The following HIF1A variants were observed in gnomAD, a reference collection of about 807,000 sequenced individuals.
The protein encoded by HIF1A is hypoxia-inducible factor 1-alpha.
In HIF1A, 24 loss-of-function variants were observed where a neutral mutation model predicts 92.7. That is an observed-to-expected ratio of 0.26 (90% CI 0.19 to 0.36). The LOEUF is 0.36. HIF1A is among the 10% of genes least tolerant of loss of function. The probability of loss-of-function intolerance (pLI) is 1.00; values close to 1 mark genes in which losing one functional copy is unlikely to be tolerated. For missense variants in HIF1A, 799 were observed against 998.5 expected (o/e 0.80, Z 2.69); for synonymous variants, 319 against 338.7 (o/e 0.94, Z 0.64).
Position 61,741,108 on chromosome 14 carries a change from A to C in HIF1A, c.2013A>C (p.Arg671Ser). 6.2e-7 allele frequency: 1 copy of C among 1,614,112 alleles called. No homozygotes were observed. The highest frequency in any genetic ancestry group is 8.5e-7 in the Non-Finnish European group (1 of 1,179,958). Residue 671 changes from arginine (R) to serine (S), a missense_variant, in exon 12 of 15, where the codon AGA becomes AGC. This residue lies in a region of HIF1A where 283 missense variants were observed against 277.5 expected (regional missense o/e 1.02). Coordinates refer to ENST00000337138, the MANE Select transcript of HIF1A (RefSeq NM_001530.4). ...AAAGTCGGACAGCCTCACCAAACAG[A>C]GCAGGAAAAGGAGTCATAGAACAGA... ...DTQSRTASPN[R>S]AGKGVIEQTE... is the part of the protein sequence containing the mutation.
chr14:61,723,020 T>C (rs1387314157), intron 4 of HIF1A, among the ~76,000 whole-genome samples: 1 of 152,250 alleles, frequency 6.6e-6, no homozygotes, highest in Non-Finnish European at 1.5e-5. Context: ...TTAAGCAGTG[T>C]ATACTGATCA....
chr14:61,707,520 T>C (rs1322316756), intron 1 of HIF1A, among the ~76,000 whole-genome samples: 1 of 151,702 alleles, frequency 6.6e-6, no homozygotes, highest in Non-Finnish European at 1.5e-5. Context: ...TGTGTTCTCA[T>C]TGTTCAGTTC....
chr14:61,741,174 C>G lies in HIF1A; in HGVS notation c.2079C>G (p.Val693=). The G allele has an allele frequency of 6.3e-7, 1 of 1,595,300 alleles. No homozygotes were observed. Among genetic ancestry groups the G allele is most frequent in the Non-Finnish European group, 8.5e-7 (1 of 1,172,618 alleles). ...SHPRSPNVLS[V]ALSQRTTVPE... ...CAAGAAGCCCTAACGTGTTATCTGT[C>G]GCTTTGAGTCAAAGGTATTTATATG... The change falls in exon 12 of 15, where the codon GTC becomes GTG. Residue 693 remains valine (V), a synonymous_variant. Coordinates refer to ENST00000337138, the MANE Select transcript of HIF1A (RefSeq NM_001530.4).
At chr14:61,732,136 T>C (rs759612172) in intron 6 of HIF1A, among the ~76,000 whole-genome samples, 20 of 151,900 alleles carry the variant, frequency 1.3e-4, no homozygotes, top group Non-Finnish European at 2.5e-4. Flanking sequence ...GGGAAACTCT[T>C]GTCTCAAAAA....
At chr14:61,696,624 G>C (rs767871225) in intron 1 of HIF1A, among the ~76,000 whole-genome samples, 1 of 152,092 alleles carries the variant, frequency 6.6e-6, no homozygotes, top group Non-Finnish European at 1.5e-5. Context: ...CACCTGTCAC[G>C]AGAACGCAGA....
intron 4 of HIF1A, among the ~76,000 whole-genome samples, chr14:61,722,435 G>GGT (rs1321223826): frequency 6.6e-6 from 1 of 151,930 alleles, no homozygotes; most frequent in Non-Finnish European, 1.5e-5. Flanking sequence ...GGTTCTTGCT[G>GGT]TATTGCCCAG....
At chr14:61,721,700 TTTATGATC>T in intron 3 of HIF1A, 31 bp from the exon 4 acceptor site, 1 of 1,610,652 alleles carries the variant, frequency 6.2e-7, no homozygotes, top group Non-Finnish European at 8.5e-7. Context: ...TTTTTATGAT[TTTATGATC>T]TAGCCCTAAT....
chr14:61,711,071 A>C (rs1290776002), intron 1 of HIF1A, among the ~76,000 whole-genome samples: 2 of 150,012 alleles, frequency 1.3e-5, no homozygotes, highest in Non-Finnish European at 3.0e-5. Context: ...AAAAAAGGCA[A>C]TAGGATTAGG....
chr14:61,730,273 C>G (rs2044560051), intron 6 of HIF1A, among the ~76,000 whole-genome samples: 1 of 152,156 alleles, frequency 6.6e-6, no homozygotes, highest in African/African-American at 2.4e-5. Context: ...ATTAACCTCA[C>G]TTTTCTTGCT....
intron 1 of HIF1A, among the ~76,000 whole-genome samples, chr14:61,718,428 G>A (rs569854835): frequency 3.3e-5 from 5 of 152,272 alleles, no homozygotes; most frequent in African/African-American, 1.2e-4. Flanking sequence ...GGGTTGGGGA[G>A]GAAGTGAGAG....
At position 61,695,547 on chromosome 14, in the gene HIF1A, G is replaced by A. The variant is rs2044102502; in HGVS notation, c.-258G>A. On this transcript the variant is annotated 5_prime_UTR_variant, in exon 1 of 15. Transcript: ENST00000337138. ...TGCTGCCTCGTCTGAGGGGACAGGA[G>A]GATCACCCTCTTCGTCGCTTCGGCC... 2 of 575,594 alleles carry A rather than the reference G, an allele frequency of 3.5e-6. No individual in the cohort carries two copies. The highest frequency in any genetic ancestry group is 6.2e-6 in the Non-Finnish European group (2 of 325,062). The allele number at this position is 575,594 out of a possible 1,614,324, so 35.7% of individuals were successfully genotyped here. A position where few individuals can be genotyped will look rare whatever the true frequency, so the allele number is the denominator to read the frequency against.
intron 9 of HIF1A, 62 bp downstream of exon 9, chr14:61,737,171 T>A: frequency 9.0e-7 from 1 of 1,113,554 alleles, no homozygotes; most frequent in African/African-American, 1.5e-5. Context: ...CCATTTCAAC[T>A]AAACATTACT....
intron 7 of HIF1A, among the ~76,000 whole-genome samples, chr14:61,733,617 C>G (rs777186733): frequency 3.3e-5 from 5 of 152,132 alleles, no homozygotes; most frequent in Non-Finnish European, 7.3e-5. Flanking sequence ...TCAGGACACC[C>G]CAATCCTCAA....
chr14:61,697,437 A>G (rs958601226), intron 1 of HIF1A, among the ~76,000 whole-genome samples: 3 of 152,222 alleles, frequency 2.0e-5, no homozygotes, highest in South Asian at 2.1e-4. Context: ...ACTTAATACA[A>G]TGCATTAAAT....
Position 61,710,933 on chromosome 14 carries a change from G to T in HIF1A, c.36-9449G>T, listed in dbSNP as rs974835016. Among the ~76,000 whole-genome samples, 4 of 151,846 alleles carry T rather than the reference G, an allele frequency of 2.6e-5. No homozygotes were observed. In the East Asian group the frequency reaches 7.8e-4, roughly 29 times the overall value. ...AAATTAGCCGGGTGTGGTGGCAGGCGCCTGTAACCCCAGCTACTCAGGAAA... is the reference window on the plus strand; with the variant it reads ...AAATTAGCCGGGTGTGGTGGCAGGCTCCTGTAACCCCAGCTACTCAGGAAA... On this transcript the variant is annotated intron_variant, in intron 1 of 14. Coordinates refer to ENST00000337138, the MANE Select transcript of HIF1A (RefSeq NM_001530.4).
At chr14:61,726,849 C>T (rs1210783536) in intron 5 of HIF1A, 31 bp downstream of exon 5, 5 of 1,247,430 alleles carry the variant, frequency 4.0e-6, no homozygotes, top group East Asian at 2.4e-5. Flanking sequence ...ATTGATTATA[C>T]ACTTTATTTA....
rs2044587943 is a variant in HIF1A, at chr14:61,732,449, G to T, written c.805G>T (p.Glu269Ter). 1 of 1,610,794 alleles carries T rather than the reference G, an allele frequency of 6.2e-7. No homozygotes were observed. The highest frequency in any genetic ancestry group is 1.1e-5 in the South Asian group (1 of 90,984). ...CGAATTGATGGGATATGAGCCAGAA[G>T]AACTTTTAGGCCGCTCAATTTATGA... ...ITELMGYEPE[E>*]LLGRSIYEYY... is the part of the protein sequence containing the mutation. Residue 269 changes from glutamate (E) to a stop codon, truncating the protein, a stop_gained, in exon 7 of 15, where the codon GAA becomes TAA. Transcript: ENST00000337138. LOFTEE classifies it high-confidence loss of function.
At chr14:61,719,793 A>T (rs1261029696) in intron 1 of HIF1A, among the ~76,000 whole-genome samples, 1 of 152,180 alleles carries the variant, frequency 6.6e-6, no homozygotes, top group Admixed American at 6.5e-5. Flanking sequence ...GGGGCTGCTA[A>T]GGGAGGAGGC....
In HIF1A at chr14:61,716,979, A is replaced by G. The variant is rs959391442; in HGVS notation, c.36-3403A>G. The G allele has an allele frequency of 5.9e-5, 9 of 152,208 alleles. No individual in the cohort carries two copies. The East Asian group carries it at 1.7e-3, about 29-fold the overall frequency. 9.4% of individuals were successfully genotyped at this position (152,208 alleles called of 1,614,324 possible). A position where few individuals can be genotyped will look rare whatever the true frequency, so the allele number is the denominator to read the frequency against. ...ACTGAAATATAGTACCTTATGCAGT[A>G]GCAGAACATATCAGCAGAAGAACTT... On this transcript the variant is annotated intron_variant, in intron 1 of 14. Coordinates refer to ENST00000337138, the MANE Select transcript of HIF1A (RefSeq NM_001530.4).
Sources: allele counts gnomAD v4.1 joint callset (sites outside exome capture counted in the v4.1 genomes callset), GRCh38; gene constraint gnomAD v4.1.1; regional missense constraint gnomAD v4.1.1; transcripts MANE v1.5; gene names NCBI Gene and HGNC (gene_info 2026-07-23, HGNC 2026-07-21).